CTIF: variants seen among roughly 807,000 people sequenced by gnomAD.
The protein encoded by CTIF is CBP80/20-dependent translation initiation factor.
Under a neutral mutation model 66.0 loss-of-function variants are expected in CTIF, and 21 were observed. That is an observed-to-expected ratio of 0.32 (90% CI 0.23 to 0.46). The LOEUF is 0.46. CTIF is among the 20% of genes least tolerant of loss of function. The probability of loss-of-function intolerance (pLI) is 1.00; values close to 1 mark genes in which losing one functional copy is unlikely to be tolerated. For synonymous variants in CTIF, 345 were observed against 326.4 expected (o/e 1.06, Z -0.62); for missense variants, 739 against 812.7 (o/e 0.91, Z 1.10).
At chr18:48,829,829 CA>C (rs1327792842) in intron 10 of CTIF, among the ~76,000 whole-genome samples, 1 of 152,236 alleles carries the variant, frequency 6.6e-6, no homozygotes, top group Non-Finnish European at 1.5e-5. Flanking sequence ...ACCTGTAGCT[CA>C]AATTAGCATT....
chr18:48,578,285 T>C (rs7229395), intron 1 of CTIF, among the ~76,000 whole-genome samples: 37,533 of 152,116 alleles, frequency 0.25, 9,104 homozygotes, highest in African/African-American at 0.63. Flanking sequence ...CTGCTCTGAA[T>C]GTTCAAGTAC....
In CTIF at chr18:48,859,558, G is replaced by T; in HGVS notation, c.1796G>T (p.Ter599LeuextTer57). The change falls in exon 12 of 12, where the codon TGA (stop) becomes TTA (leucine). Residue 599 changes from the stop codon to leucine (L), a stop_lost. Coordinates refer to ENST00000256413, the MANE Select transcript of CTIF (RefSeq NM_014772.3). ...AGAACCATCCAGAAACTGACAGCCT[G>T]ACAGCCAGGGGGCCTGGCAGGCGGC... is the stretch of plus-strand genomic sequence containing the variant. ...YNRTIQKLTA[*>L] is the part of the protein sequence containing the mutation. The T allele has an allele frequency of 6.2e-7, 1 of 1,613,824 alleles. No individual in the cohort carries two copies. The highest frequency in any genetic ancestry group is 8.5e-7 in the Non-Finnish European group (1 of 1,179,986).
chr18:48,583,395 G>A (rs999317179), intron 1 of CTIF, among the ~76,000 whole-genome samples: 7 of 152,188 alleles, frequency 4.6e-5, no homozygotes, highest in African/African-American at 1.7e-4. Context: ...GCATCATGAG[G>A]ATGAGAGTGT....
intron 7 of CTIF, among the ~76,000 whole-genome samples, chr18:48,749,212 T>C (rs1907550552): frequency 6.6e-6 from 1 of 151,944 alleles, no homozygotes; most frequent in Non-Finnish European, 1.5e-5. Flanking sequence ...GTAGGGTGAG[T>C]GAGACAGCAG....
intron 9 of CTIF, among the ~76,000 whole-genome samples, chr18:48,799,651 C>G (rs2068006466): frequency 6.6e-6 from 1 of 152,142 alleles, no homozygotes. Flanking sequence ...TCTGGCCAAG[C>G]TCAGATCTAG....
intron 1 of CTIF, among the ~76,000 whole-genome samples, chr18:48,572,703 G>A (rs2089443127): frequency 6.6e-6 from 1 of 152,100 alleles, no homozygotes; most frequent in Non-Finnish European, 1.5e-5. Context: ...AAGAGTGATT[G>A]GAAGCTGGAT....
intron 7 of CTIF, among the ~76,000 whole-genome samples, chr18:48,731,369 A>C (rs1329822755): frequency 6.6e-6 from 1 of 152,114 alleles, no homozygotes; most frequent in African/African-American, 2.4e-5. Flanking sequence ...AATCCTTTGG[A>C]ATAGGGAGAG....
At chr18:48,780,544 G>A (rs889351107) in intron 9 of CTIF, among the ~76,000 whole-genome samples, 1 of 152,192 alleles carries the variant, frequency 6.6e-6, no homozygotes, top group Non-Finnish European at 1.5e-5. Flanking sequence ...CGTGGCACAC[G>A]CACCTCTGCC....
chr18:48,859,694 A>G lies in CTIF; in HGVS notation c.*135A>G. On this transcript the variant is annotated 3_prime_UTR_variant, in exon 12 of 12. Transcript: ENST00000256413. The stretch of plus-strand genomic sequence containing the variant: ...AGGAGGGCAGGCAGAGTCGGTGGCC[A>G]GTCTGGAGCCAGACGGGGAAGGGAG... 3.7e-6 allele frequency: 3 copies of G among 812,282 alleles called. No homozygotes were observed. The highest frequency in any genetic ancestry group is 6.2e-6 in the Non-Finnish European group (3 of 482,816). 50.3% of individuals were successfully genotyped at this position (812,282 alleles called of 1,614,324 possible).
chr18:48,665,971 T>C (rs1047615471), intron 5 of CTIF, among the ~76,000 whole-genome samples: 1 of 152,248 alleles, frequency 6.6e-6, no homozygotes, highest in African/African-American at 2.4e-5. Context: ...GGTGTATACC[T>C]GGGGTGGAAT....
Position 48,619,737 on chromosome 18 carries a change from A to G in CTIF, c.172A>G (p.Ile58Val). The change falls in exon 2 of 12, where the codon ATC becomes GTC. Residue 58 changes from isoleucine to valine, a missense_variant. Transcript: ENST00000256413. ...DGESERTQSHISQWTADCSEP... is the reference protein window; with the variant it reads ...DGESERTQSHVSQWTADCSEP... ...CGAGAGCGAGAGGACCCAGTCCCAC[A>G]TCTCCCAGGTGAGCGCGGGCCCGGG... 2 of 1,594,714 alleles carry G rather than the reference A, an allele frequency of 1.3e-6. No homozygotes were observed. The highest frequency in any genetic ancestry group is 1.7e-6 in the Non-Finnish European group (2 of 1,170,986).
intron 6 of CTIF, among the ~76,000 whole-genome samples, chr18:48,695,441 G>A (rs1024462221): frequency 6.6e-6 from 1 of 152,176 alleles, no homozygotes; most frequent in Admixed American, 6.5e-5. Context: ...TCAGTGCTGG[G>A]TCTCATGACT....
intron 1 of CTIF, among the ~76,000 whole-genome samples, chr18:48,596,378 A>T (rs1045866227): frequency 1.3e-5 from 2 of 152,206 alleles, no homozygotes; most frequent in African/African-American, 4.8e-5. Flanking sequence ...CTGGAACTCC[A>T]TTCATCACAT....
rs539857835 is a variant in CTIF at position 48,820,494 on chromosome 18, C to A, written c.1527+3118C>A. 2.0e-5 allele frequency among the ~76,000 whole-genome samples: 3 copies of A among 152,250 alleles called. No homozygotes were observed. The South Asian group carries it at 6.2e-4, about 32-fold the overall frequency. ...ACTTTGCCCTGAGATCCCCCCAACT[C>A]CCAGAACCACCCGCAGGCCCACATT... On this transcript the variant is annotated intron_variant, in intron 10 of 11. Coordinates refer to ENST00000256413, the MANE Select transcript of CTIF (RefSeq NM_014772.3).
intron 3 of CTIF, among the ~76,000 whole-genome samples, chr18:48,648,394 T>A (rs2091090251): frequency 6.6e-6 from 1 of 152,042 alleles, no homozygotes; most frequent in African/African-American, 2.4e-5. Context: ...CCTGCTGTTC[T>A]CCTGCTTCAA....
intron 7 of CTIF, among the ~76,000 whole-genome samples, chr18:48,750,683 C>T (rs9952891): frequency 3.9e-5 from 6 of 152,172 alleles, no homozygotes; most frequent in African/African-American, 1.4e-4. Flanking sequence ...CCAACCCTCC[C>T]ATCCAGAGCC....
chr18:48,648,489 G>GCA (rs981846108), intron 3 of CTIF, among the ~76,000 whole-genome samples: 96 of 63,036 alleles, frequency 1.5e-3, no homozygotes, highest in Admixed American at 9.2e-3. Flanking sequence ...ACACACACAC[G>GCA]CACACACACA....
chr18:48,552,426 GC>G (rs1256367286), intron 1 of CTIF, among the ~76,000 whole-genome samples: 4 of 152,236 alleles, frequency 2.6e-5, no homozygotes, highest in Admixed American at 2.6e-4. Context: ...AGACTGAGTA[GC>G]TTATGAACAG....
At position 48,664,560 on chromosome 18, in the gene CTIF, T is replaced by C; in HGVS notation, c.431+9T>C. 6.2e-7 allele frequency: 1 copy of C among 1,607,692 alleles called. No homozygotes were observed. Among genetic ancestry groups the C allele is most frequent in the South Asian group, 1.1e-5 (1 of 91,042 alleles). On this transcript the variant is annotated intron_variant, in intron 5 of 11. Transcript: ENST00000256413. The stretch of plus-strand genomic sequence containing the variant: ...CACATCGACCGCGAAGGGTAAGGGG[T>C]GCTGGGGCTCTTACCCAGGGTGGGG...
Sources: gnomAD v4.1 joint callset for allele counts (sites outside exome capture counted in the v4.1 genomes callset) on GRCh38, gnomAD v4.1.1 for gene constraint, MANE v1.5 for transcripts, NCBI Gene and HGNC (gene_info 2026-07-23, HGNC 2026-07-21) for gene names.